The following RBFOX3 variants were observed in gnomAD, a reference collection of about 807,000 sequenced individuals.
RBFOX3 encodes the protein RNA binding protein fox-1 homolog 3.
A neutral mutation model predicts 48.7 loss-of-function variants in RBFOX3; 17 were observed. That is an observed-to-expected ratio of 0.35 (90% CI 0.24 to 0.52). RBFOX3 has a LOEUF of 0.52. RBFOX3 is among the 20% of genes least tolerant of loss of function. RBFOX3 has a pLI of 0.94. For missense variants in RBFOX3, 382 were observed against 497.5 expected (o/e 0.77, Z 2.21); for synonymous variants, 212 against 209.5 (o/e 1.01, Z -0.10).
intron 2 of RBFOX3, among the ~76,000 whole-genome samples, chr17:79,386,285 C>T (rs536958628): frequency 4.0e-5 from 6 of 151,766 alleles, no homozygotes; most frequent in African/African-American, 1.5e-4. Flanking sequence ...CCTCCCACAG[C>T]AGACAGGGGC....
intron 4 of RBFOX3, among the ~76,000 whole-genome samples, chr17:79,217,766 G>T (rs1319830589): frequency 2.0e-5 from 3 of 152,130 alleles, no homozygotes; most frequent in Admixed American, 2.0e-4. Flanking sequence ...CCAGTTATGG[G>T]GGTGGGGTGG....
At chr17:79,224,617 C>T (rs2060108339) in intron 4 of RBFOX3, among the ~76,000 whole-genome samples, 1 of 152,226 alleles carries the variant, frequency 6.6e-6, no homozygotes, top group South Asian at 2.1e-4. Context: ...GGACCTTACC[C>T]ATGCCATCTA....
chr17:79,105,331 T>C (rs1017460485), intron 6 of RBFOX3, among the ~76,000 whole-genome samples: 16 of 151,774 alleles, frequency 1.1e-4, no homozygotes, highest in Non-Finnish European at 2.1e-4. Flanking sequence ...CCCTGTCCTG[T>C]AGGGACCCAG....
Position 79,263,744 on chromosome 17 carries a change from T to G in RBFOX3, c.-73-27939A>C, listed in dbSNP as rs539596627. On this transcript the variant is annotated intron_variant, in intron 3 of 14. Coordinates refer to ENST00000693108, the MANE Select transcript of RBFOX3 (RefSeq NM_001350451.2). ...TGACACACAGGGGGCAGCCAGCGAA[T>G]GGCTGGATGAACGCGCGCTTACGAG... Among the ~76,000 whole-genome samples, 7 of 152,280 alleles carry G rather than the reference T, an allele frequency of 4.6e-5. No individual in the cohort carries two copies. The South Asian group carries it at 1.5e-3, about 32-fold the overall frequency.
In RBFOX3 at chr17:79,457,870, G is replaced by C. The variant is rs138307066; in HGVS notation, c.-175+24584C>G. 4.5e-3 allele frequency among the ~76,000 whole-genome samples: 683 copies of C among 152,308 alleles called. 7 individuals carry two copies. The highest frequency in any genetic ancestry group is 0.016 in the African/African-American group (652 of 41,554). On this transcript the variant is annotated intron_variant, in intron 2 of 14. Coordinates refer to ENST00000693108, the MANE Select transcript of RBFOX3 (RefSeq NM_001350451.2). Reference sequence around the variant, plus strand: ...CTTGAAGAACACAGCCCAGCACAACGGCAGAAAGAAGGTGTTCAGGAAAGG... The same window carrying C: ...CTTGAAGAACACAGCCCAGCACAACCGCAGAAAGAAGGTGTTCAGGAAAGG...
chr17:79,523,204 A>T (rs1237965861), intron 1 of RBFOX3, among the ~76,000 whole-genome samples: 1 of 152,086 alleles, frequency 6.6e-6, no homozygotes, highest in Non-Finnish European at 1.5e-5. Flanking sequence ...AGGAGGAAAA[A>T]GCTCTGGAGA....
At chr17:79,384,463 AG>A (rs1489242041) in intron 2 of RBFOX3, among the ~76,000 whole-genome samples, 1 of 152,022 alleles carries the variant, frequency 6.6e-6, no homozygotes, top group Non-Finnish European at 1.5e-5. Context: ...GTGACTGCAC[AG>A]GGGGTTTAAG....
At chr17:79,540,699 G>C (rs11871328) in intron 1 of RBFOX3, among the ~76,000 whole-genome samples, 1,572 of 152,298 alleles carry the variant, frequency 0.01, 24 homozygotes, top group African/African-American at 0.036. Flanking sequence ...GCCTGGAGCC[G>C]GTGTGGCCTC....
chr17:79,593,094 G>A (rs2093469521), intron 1 of RBFOX3, among the ~76,000 whole-genome samples: 1 of 152,118 alleles, frequency 6.6e-6, no homozygotes, highest in South Asian at 2.1e-4. Context: ...GTGGGTGGCA[G>A]CTGCTCCAGG....
At chr17:79,190,857 C>T (rs1342764348) in intron 4 of RBFOX3, among the ~76,000 whole-genome samples, 1 of 152,172 alleles carries the variant, frequency 6.6e-6, no homozygotes, top group African/African-American at 2.4e-5. Context: ...TGAGTGAGCA[C>T]AGCTCTTGCA....
At chr17:79,183,591 G>T (rs1362784889) in intron 4 of RBFOX3, 1 of 152,294 alleles carries the variant, frequency 6.6e-6, no homozygotes, top group East Asian at 1.9e-4. Flanking sequence ...GAGAGCGCGC[G>T]CGAGAATACG....
intron 2 of RBFOX3, among the ~76,000 whole-genome samples, chr17:79,322,711 G>A (rs1012215968): frequency 6.6e-6 from 1 of 152,126 alleles, no homozygotes; most frequent in African/African-American, 2.4e-5. Flanking sequence ...CTAGGGGTCT[G>A]GGAAGCCCCC....
At chr17:79,458,312 T>C (rs1357663230) in intron 2 of RBFOX3, among the ~76,000 whole-genome samples, 1 of 152,340 alleles carries the variant, frequency 6.6e-6, no homozygotes, top group East Asian at 1.9e-4. Context: ...CAGAGAAATG[T>C]ACAGGTGCCT....
At chr17:79,567,209 G>A (rs2092495236) in intron 1 of RBFOX3, among the ~76,000 whole-genome samples, 1 of 134,134 alleles carries the variant, frequency 7.5e-6, no homozygotes, top group African/African-American at 2.8e-5. Flanking sequence ...TTTGAGACAG[G>A]GTCTCACTCT....
At chr17:79,548,623 T>G (rs1382872083) in intron 1 of RBFOX3, among the ~76,000 whole-genome samples, 3 of 152,210 alleles carry the variant, frequency 2.0e-5, no homozygotes, top group Non-Finnish European at 2.9e-5. Context: ...AGGCCTCAGT[T>G]TCTCCAGCTG....
chr17:79,467,068 G>A (rs773814161), intron 2 of RBFOX3, among the ~76,000 whole-genome samples: 80 of 152,312 alleles, frequency 5.3e-4, no homozygotes, highest in Non-Finnish European at 1.0e-3. Context: ...GTGCAGAGCT[G>A]GCACTGCCAC....
intron 4 of RBFOX3, among the ~76,000 whole-genome samples, chr17:79,193,012 G>C (rs866280232): frequency 2.6e-5 from 4 of 152,202 alleles, no homozygotes; most frequent in African/African-American, 9.7e-5. Context: ...CTTCTGTGGG[G>C]CCAACAGTTT....
intron 2 of RBFOX3, among the ~76,000 whole-genome samples, chr17:79,447,890 AT>A (rs2072658066): frequency 6.6e-6 from 1 of 152,132 alleles, no homozygotes; most frequent in Non-Finnish European, 1.5e-5. Context: ...GTGGGAGGTG[AT>A]TGAATCCCAG....
intron 4 of RBFOX3, among the ~76,000 whole-genome samples, chr17:79,202,003 G>A (rs984010935): frequency 2.6e-5 from 4 of 152,112 alleles, no homozygotes; most frequent in Admixed American, 6.5e-5. Flanking sequence ...TCCTCCTGCC[G>A]GCTTCACTCA....
Sources: allele counts gnomAD v4.1 joint callset (sites outside exome capture counted in the v4.1 genomes callset), GRCh38; gene constraint gnomAD v4.1.1; transcripts MANE v1.5; gene names NCBI Gene and HGNC (gene_info 2026-07-23, HGNC 2026-07-21).